The following SERGEF variants were observed in gnomAD, a reference collection of about 807,000 sequenced individuals.
SERGEF encodes the protein secretion regulating guanine nucleotide exchange factor.
In SERGEF, 51 loss-of-function variants were observed where a neutral mutation model predicts 50.0. The observed-to-expected ratio is 1.02, with a 90% CI of 0.81 to 1.29. SERGEF has a LOEUF of 1.29. Among genes scored for constraint, SERGEF ranks in the 50% most tolerant of loss-of-function variants. SERGEF has a pLI of 0.00. For missense variants in SERGEF, 521 were observed against 557.0 expected, an observed-to-expected ratio of 0.94 and a Z score of 0.65; for synonymous variants, 205 against 212.4, an observed-to-expected ratio of 0.97 and a Z score of 0.30.
intron 10 of SERGEF, among the ~76,000 whole-genome samples, chr11:17,860,500 T>C (rs1186687232): frequency 2.0e-5 from 3 of 152,160 alleles, no homozygotes; most frequent in Non-Finnish European, 2.9e-5. Flanking sequence ...AGTTTAGAAA[T>C]ATAGAGATAG....
chr11:17,920,006 G>C (rs995744286), intron 9 of SERGEF, among the ~76,000 whole-genome samples: 2 of 150,476 alleles, frequency 1.3e-5, no homozygotes, highest in Admixed American at 1.3e-4. Context: ...CCAACACTTT[G>C]GGAGGCCAAG....
intron 10 of SERGEF, among the ~76,000 whole-genome samples, chr11:17,875,124 G>T (rs1851217172): frequency 1.3e-5 from 2 of 152,180 alleles, no homozygotes; most frequent in Non-Finnish European, 2.9e-5. Context: ...CTGGATCCAG[G>T]CAATCTGTCC....
intron 7 of SERGEF, among the ~76,000 whole-genome samples, chr11:17,989,477 G>C (rs566662798): frequency 1.8e-3 from 267 of 152,374 alleles, no homozygotes; most frequent in Non-Finnish European, 3.1e-3. Flanking sequence ...TAGAAGGGCA[G>C]ACAATATGAC....
Position 17,944,956 on chromosome 11 carries a change from A to G in SERGEF, c.1011+14514T>C, listed in dbSNP as rs928215111. Among the ~76,000 whole-genome samples the G allele has an allele frequency of 3.9e-5, 6 of 152,238 alleles. No individual in the cohort carries two copies. The South Asian group carries it at 1.2e-3, about 31-fold the overall frequency. On this transcript the variant is annotated intron_variant, in intron 9 of 10. Transcript: ENST00000265965. ...ATTAAAAGAATGATCTCATGAACAA[A>G]GTCTCTCTATTCTATGCTTGCCATA...
intron 3 of SERGEF, among the ~76,000 whole-genome samples, chr11:18,005,605 C>T (rs1048952607): frequency 4.6e-5 from 7 of 152,142 alleles, no homozygotes; most frequent in South Asian, 2.1e-4. Context: ...GCCAAAGGAC[C>T]GTGGCAAAGA....
chr11:17,898,970 G>C (rs896343215), intron 9 of SERGEF, among the ~76,000 whole-genome samples: 2 of 152,098 alleles, frequency 1.3e-5, no homozygotes, highest in African/African-American at 2.4e-5. Flanking sequence ...GTGAGTGATC[G>C]TGAGAGCTGG....
At chr11:17,963,364 TAAAAAAAA>T (rs1174880141) in intron 8 of SERGEF, among the ~76,000 whole-genome samples, 1 of 49,882 alleles carries the variant, frequency 2.0e-5, no homozygotes, top group African/African-American at 7.7e-5. Context: ...TTACTATTAG[TAAAAAAAA>T]AAAAAAAAAA....
At chr11:17,967,026 TA>T (rs1853139176) in intron 8 of SERGEF, among the ~76,000 whole-genome samples, 1 of 152,212 alleles carries the variant, frequency 6.6e-6, no homozygotes, top group South Asian at 2.1e-4. Flanking sequence ...ACAGCTGCAA[TA>T]ATAACAATAA....
chr11:17,951,038 G>C (rs932182662), intron 9 of SERGEF, among the ~76,000 whole-genome samples: 1 of 152,168 alleles, frequency 6.6e-6, no homozygotes, highest in African/African-American at 2.4e-5. Context: ...ATGCTGCAGG[G>C]AGATTGGCTG....
chr11:17,826,156 A>G (rs577058376), intron 10 of SERGEF, among the ~76,000 whole-genome samples: 2 of 152,356 alleles, frequency 1.3e-5, no homozygotes, highest in East Asian at 3.9e-4. Flanking sequence ...TATACACTTG[A>G]CATGAATTAT....
chr11:17,949,135 G>A (rs1334349474), intron 9 of SERGEF, among the ~76,000 whole-genome samples: 1 of 152,158 alleles, frequency 6.6e-6, no homozygotes, highest in African/African-American at 2.4e-5. Context: ...GTGTGGTTTT[G>A]CTTCCCTGAA....
chr11:17,919,675 C>T (rs1852117555), intron 9 of SERGEF, among the ~76,000 whole-genome samples: 1 of 152,162 alleles, frequency 6.6e-6, no homozygotes, highest in East Asian at 1.9e-4. Context: ...CATACTCACT[C>T]CACTTGAGTC....
At chr11:18,011,668 CT>C (rs2134018030) in intron 1 of SERGEF, among the ~76,000 whole-genome samples, 2 of 152,312 alleles carry the variant, frequency 1.3e-5, no homozygotes, top group African/African-American at 4.8e-5. Flanking sequence ...TGTCAACAAC[CT>C]ATTAAACATA....
chr11:17,867,585 T>C (rs1274826986), intron 10 of SERGEF, among the ~76,000 whole-genome samples: 1 of 152,196 alleles, frequency 6.6e-6, no homozygotes, highest in Middle Eastern at 3.2e-3. Flanking sequence ...TGGAGGATAG[T>C]GGCCCTCTTC....
intron 10 of SERGEF, among the ~76,000 whole-genome samples, chr11:17,831,029 A>C (rs1455427233): frequency 2.0e-5 from 3 of 152,178 alleles, no homozygotes; most frequent in Non-Finnish European, 1.5e-5. Flanking sequence ...GTACTTTTCT[A>C]TTTTCACGGT....
At chr11:17,960,129 C>T (rs978758169) in intron 8 of SERGEF, among the ~76,000 whole-genome samples, 6 of 152,130 alleles carry the variant, frequency 3.9e-5, no homozygotes, top group African/African-American at 1.2e-4. Flanking sequence ...CATTTGCTCT[C>T]CCCTCCTTGT....
chr11:17,873,741 C>T (rs2133894413), intron 10 of SERGEF, among the ~76,000 whole-genome samples: 1 of 152,244 alleles, frequency 6.6e-6, no homozygotes, highest in South Asian at 2.1e-4. Context: ...CAATGCCTGT[C>T]TGGCAAGCCT....
Position 17,827,644 on chromosome 11 carries a change from G to GC in SERGEF, c.1049-39232dup, listed in dbSNP as rs143068271. On this transcript the variant is annotated intron_variant, in intron 10 of 10. Transcript: ENST00000265965. The stretch of plus-strand genomic sequence containing the variant: ...TCCTACTCTTCAGTTACCTCTCGCC[G>GC]CATCACTGAATCTTGCCCTCCAGAA... Among the ~76,000 whole-genome samples, 1,087 of 152,204 alleles carry GC rather than the reference G, an allele frequency of 7.1e-3. 11 individuals are homozygous for GC. The highest frequency in any genetic ancestry group is 0.025 in the African/African-American group (1,042 of 41,532).
Position 17,992,936 on chromosome 11 carries a change from A to C in SERGEF, c.680T>G (p.Leu227Ter). 6.2e-7 allele frequency: 1 copy of C among 1,613,900 alleles called. No individual in the cohort carries two copies. Among genetic ancestry groups the C allele is most frequent in the East Asian group, 2.2e-5 (1 of 44,882 alleles). ...VLAGSDHSAS[L>*]TDAGEVYVWG... ...GTGAAAGAGCTGGTACCTACCTGTT[A>C]ATGAAGCTGAGTGGTCTGAGCCAGC... The change falls in exon 7 of 11, where the codon TTA becomes TGA. Residue 227 changes from leucine to a stop codon, truncating the protein, a stop_gained. Transcript: ENST00000265965. LOFTEE classifies it high-confidence loss of function.
Sources: gnomAD v4.1 joint callset for allele counts (sites outside exome capture counted in the v4.1 genomes callset) on GRCh38, gnomAD v4.1.1 for gene constraint, MANE v1.5 for transcripts, NCBI Gene and HGNC (gene_info 2026-07-23, HGNC 2026-07-21) for gene names.